MUS81: variants seen among roughly 807,000 people sequenced by gnomAD.
MUS81 encodes the protein structure-specific endonuclease subunit MUS81.
MUS81 carries 69 observed loss-of-function variants against 74.2 expected under a neutral mutation model. That is an observed-to-expected ratio of 0.93 (90% CI 0.77 to 1.14). MUS81 has a LOEUF of 1.14. Among genes scored for constraint, MUS81 ranks in the 50% most tolerant of loss-of-function variants. The pLI, the probability that MUS81 is intolerant of heterozygous loss-of-function variation, is 0.00. For synonymous variants in MUS81, 303 were observed against 300.6 expected (o/e 1.01, Z -0.08); for missense variants, 711 against 726.5 (o/e 0.98, Z 0.25).
At position 65,862,208 on chromosome 11, in the gene MUS81, C is replaced by G. The variant is rs899998874; in HGVS notation, c.451-3C>G. 4.3e-6 allele frequency: 7 copies of G among 1,613,378 alleles called. No individual in the cohort carries two copies. Among genetic ancestry groups the G allele is most frequent in the Non-Finnish European group, 5.9e-6 (7 of 1,179,984 alleles). On this transcript the variant is annotated splice_polypyrimidine_tract_variant and splice_region_variant and intron_variant, in intron 4 of 15. Transcript: ENST00000308110. ...TACCCTGTCTTTTCTACCTTGGTTT[C>G]AGAATCCTAATGGTCACCACTTCTT... is the stretch of plus-strand genomic sequence containing the variant.
rs1390979295 is a variant in MUS81, at chr11:65,865,115, T to A, written c.1371T>A (p.Ser457Arg). 1.1e-5 allele frequency: 18 copies of A among 1,614,096 alleles called. No individual in the cohort carries two copies. The highest frequency in any genetic ancestry group is 1.4e-5 in the Non-Finnish European group (16 of 1,180,038). ...PNPLCSLLTF[S>R]DFNAGAIKNK... ...CTCTCTGCTCACTCCTCACCTTCAG[T>A]GACTTCAACGCAGGAGCCATCAAGA... The change falls in exon 13 of 16, where the codon AGT becomes AGA. Residue 457 changes from serine (S) to arginine (R), a missense_variant. Ser to Arg is a moderately radical substitution (Grantham distance 110). Transcript: ENST00000308110.
rs1227923831 is a variant in MUS81, at chr11:65,865,137, A to G, written c.1393A>G (p.Lys465Glu). Reference sequence around the variant, plus strand: ...CAGTGACTTCAACGCAGGAGCCATCAAGAATAAGGTACTGTCTCTGCCTAG... The same window carrying G: ...CAGTGACTTCAACGCAGGAGCCATCGAGAATAAGGTACTGTCTCTGCCTAG... ...TFSDFNAGAI[K>E]NKAQSVREVF... is the part of the protein sequence containing the mutation. The change falls in exon 13 of 16, where the codon AAG becomes GAG. Residue 465 changes from lysine to glutamate, a missense_variant. Coordinates refer to ENST00000308110, the MANE Select transcript of MUS81 (RefSeq NM_025128.5). 3.1e-6 allele frequency: 5 copies of G among 1,614,100 alleles called. No homozygotes were observed. The highest frequency in any genetic ancestry group is 4.2e-6 in the Non-Finnish European group (5 of 1,180,048).
rs769406923 is a variant in MUS81, at chr11:65,865,331, C to G, written c.1505+8C>G. 2 of 1,612,166 alleles carry G rather than the reference C, an allele frequency of 1.2e-6. No homozygotes were observed. The highest frequency in any genetic ancestry group is 1.7e-6 in the Non-Finnish European group (2 of 1,179,000). On this transcript the variant is annotated splice_region_variant and intron_variant, in intron 14 of 15. Transcript: ENST00000308110. ...ATACAGCACCCCTGCCAGGTAGGCC[C>G]TAAAGGGCCCTTAGGTGTCCTCAGC...
chr11:65,861,618 T>C (rs1859609424), intron 3 of MUS81, 183 bp downstream of exon 3: 6 of 613,230 alleles, frequency 9.8e-6, no homozygotes, highest in Non-Finnish European at 1.7e-5. Context: ...TAACAGCCAA[T>C]GAGAGAATTC....
chr11:65,863,231 G>A, intron 7 of MUS81, 26 bp downstream of exon 7: 6 of 1,600,484 alleles, frequency 3.7e-6, no homozygotes, highest in Non-Finnish European at 5.1e-6. Flanking sequence ...GAGGAGTGGG[G>A]AAAACAGGGA....
At position 65,866,042 on chromosome 11, in the gene MUS81, C is replaced by T; in HGVS notation, c.1646C>T (p.Pro549Leu). ...TLSQLYCSYG[P>L]LT is the part of the protein sequence containing the mutation. Reference sequence around the variant, plus strand: ...TCCCAGCTCTACTGCAGCTACGGCCCCTTGACCTGAGCTTATGCCGTGAAA... The same window carrying T: ...TCCCAGCTCTACTGCAGCTACGGCCTCTTGACCTGAGCTTATGCCGTGAAA... Residue 549 changes from proline (P) to leucine (L), a missense_variant, in exon 16 of 16, where the codon CCC (proline) becomes CTC (leucine). Physicochemically the swap from Pro to Leu is moderately conservative, Grantham distance 98. Coordinates refer to ENST00000308110, the MANE Select transcript of MUS81 (RefSeq NM_025128.5). The T allele has an allele frequency of 4.3e-6, 7 of 1,614,028 alleles. No individual in the cohort carries two copies. Among genetic ancestry groups the T allele is most frequent in the Non-Finnish European group, 5.1e-6 (6 of 1,179,942 alleles).
downstream of MUS81, chr11:65,866,724 G>A: frequency 2.7e-6 from 2 of 750,848 alleles, no homozygotes; most frequent in Non-Finnish European, 4.7e-6. Flanking sequence ...TGAACATATA[G>A]AGACCCCCAT....
upstream of MUS81, chr11:65,860,106 G>C (rs1859527513): frequency 2.7e-6 from 1 of 369,898 alleles, no homozygotes; most frequent in African/African-American, 2.1e-5. Context: ...CGGGGATGAG[G>C]ATCACCATTT....
At chr11:65,866,758 C>T (rs548693216), downstream of MUS81, 1 of 963,536 alleles carries the variant, frequency 1.0e-6, no homozygotes, top group Admixed American at 2.0e-5. Flanking sequence ...GCCTGCCCCC[C>T]CAAGTGCCAC....
In MUS81 at chr11:65,864,556, C is replaced by G; in HGVS notation, c.1119C>G (p.Ser373=). 1.2e-6 allele frequency: 2 copies of G among 1,614,180 alleles called. No homozygotes were observed. Among genetic ancestry groups the G allele is most frequent in the Non-Finnish European group, 1.7e-6 (2 of 1,180,024 alleles). The change falls in exon 11 of 16, where the codon TCC becomes TCG. Residue 373 remains serine (S), a synonymous_variant. Transcript: ENST00000308110. ...RRVYLVEEHG[S]VHNLSLPEST... is the part of the protein sequence containing the mutation. The stretch of plus-strand genomic sequence containing the variant: ...TATACCTGGTGGAAGAGCATGGTTC[C>G]GTCCACAACCTCAGCCTTCCTGAGA...
downstream of MUS81, chr11:65,867,007 G>A (rs1565272056): frequency 6.2e-7 from 1 of 1,614,200 alleles, no homozygotes; most frequent in Non-Finnish European, 8.5e-7. Context: ...ACCATCTCCA[G>A]GTCCAGCACG....
downstream of MUS81, chr11:65,866,828 C>A (rs1176832623): frequency 3.3e-6 from 5 of 1,534,048 alleles, no homozygotes; most frequent in Non-Finnish European, 4.5e-6. Flanking sequence ...CCAGGACTTT[C>A]TTTCTCCCTT....
rs965079795 is a variant in MUS81 at position 65,862,600 on chromosome 11, A to T, written c.605+71A>T. On this transcript the variant is annotated intron_variant, in intron 6 of 15. Transcript: ENST00000308110. Reference sequence around the variant, plus strand: ...TAGTAGGGCCTTAGAGTCACCCAACAACTCCCAGAGCTGATGCTGTTGAGA... The same window carrying T: ...TAGTAGGGCCTTAGAGTCACCCAACTACTCCCAGAGCTGATGCTGTTGAGA... 3 of 1,392,702 alleles carry T rather than the reference A, an allele frequency of 2.2e-6. No individual in the cohort carries two copies. The South Asian group carries it at 3.5e-5, about 16-fold the overall frequency. 86.3% of individuals were successfully genotyped at this position (1,392,702 alleles called of 1,614,324 possible).
Position 65,863,675 on chromosome 11 carries a change from T to C in MUS81, c.915T>C (p.Val305=). Residue 305 remains valine (V), a synonymous_variant, in exon 9 of 16, where the codon GTT becomes GTC. Transcript: ENST00000308110. The stretch of plus-strand genomic sequence containing the variant: ...CCCACACGGTGCGCAAGCTGCACGT[T>C]GGAGATTTTGTGTGGGTGGCCCAGG... ...HVTHTVRKLH[V]GDFVWVAQET... 1 of 1,613,528 alleles carries C rather than the reference T, an allele frequency of 6.2e-7. No individual in the cohort carries two copies. The highest frequency in any genetic ancestry group is 8.5e-7 in the Non-Finnish European group (1 of 1,179,772).
intron 10 of MUS81, 32 bp from the exon 11 acceptor site, chr11:65,864,465 A>G (rs1321203352): frequency 6.3e-7 from 1 of 1,586,860 alleles, no homozygotes; most frequent in Admixed American, 1.7e-5. Context: ...ATCCAGCCTG[A>G]CCCTCCCTGT....
intron 10 of MUS81, 102 bp downstream of exon 10, chr11:65,864,003 C>T: frequency 8.4e-7 from 1 of 1,194,182 alleles, no homozygotes; most frequent in Non-Finnish European, 1.2e-6. Context: ...TGAGGCAGAG[C>T]CCTTTGGAAT....
chr11:65,863,851 C>T lies in MUS81; in HGVS notation c.1009C>T (p.Leu337=), dbSNP rs749531138. 1.6e-5 allele frequency: 26 copies of T among 1,614,092 alleles called. No individual in the cohort carries two copies. In the East Asian group the frequency reaches 2.7e-4, roughly 17 times the overall value. ...VLDHIVERKR[L]DDLCSSIIDG... is the part of the protein sequence containing the mutation. ...GGATCACATTGTGGAGCGCAAGCGA[C>T]TGGATGACCTTTGCAGCAGCATCAT... The change falls in exon 10 of 16, where the codon CTG becomes TTG. Residue 337 remains leucine (L), a synonymous_variant. Transcript: ENST00000308110.
upstream of MUS81, chr11:65,860,018 G>T: frequency 3.8e-6 from 1 of 265,202 alleles, no homozygotes; most frequent in Non-Finnish European, 8.1e-6. Flanking sequence ...TCTGACCCCC[G>T]ACATTCCGAG....
chr11:65,861,710 C>T (rs537403834), intron 3 of MUS81: 8 of 604,474 alleles, frequency 1.3e-5, no homozygotes, highest in African/African-American at 1.1e-4. Context: ...TTACACCTGT[C>T]CTGCAGCGCA....
Sources: gnomAD v4.1 joint callset for allele counts on GRCh38, gnomAD v4.1.1 for gene constraint, MANE v1.5 for transcripts, NCBI Gene and HGNC (gene_info 2026-07-23, HGNC 2026-07-21) for gene names.